Variants in ACOXL observed in about 807,000 individuals in gnomAD.
The protein encoded by ACOXL is acyl-coenzyme A oxidase-like protein.
A neutral mutation model predicts 71.9 loss-of-function variants in ACOXL; 70 were observed. The observed-to-expected ratio is 0.97, with a 90% CI of 0.80 to 1.19. The LOEUF is 1.19. Among genes scored for constraint, ACOXL ranks in the 50% most tolerant of loss-of-function variants. The pLI is 0.00. For synonymous variants in ACOXL, 253 were observed against 281.6 expected (o/e 0.90, Z 1.02); for missense variants, 703 against 736.3 (o/e 0.95, Z 0.52).
chr2:111,095,511 T>TTCC, intron 17 of ACOXL, among the ~76,000 whole-genome samples: 1 of 150,976 alleles, frequency 6.6e-6, no homozygotes, highest in South Asian at 2.1e-4. Flanking sequence ...TTGCCTCAGC[T>TTCC]TCCTGAGTAG....
At chr2:110,752,558 T>C (rs1003586173) in intron 1 of ACOXL, among the ~76,000 whole-genome samples, 2 of 151,330 alleles carry the variant, frequency 1.3e-5, no homozygotes, top group African/African-American at 4.9e-5. Flanking sequence ...GGATCTTGTA[T>C]GCTGGTCCTG....
intron 12 of ACOXL, among the ~76,000 whole-genome samples, chr2:110,965,960 G>A (rs1464947701): frequency 6.6e-6 from 1 of 152,162 alleles, no homozygotes; most frequent in Non-Finnish European, 1.5e-5. Flanking sequence ...CCAGGAAGAT[G>A]GTGGCCTGAT....
chr2:110,970,120 C>T (rs905998150), intron 12 of ACOXL, among the ~76,000 whole-genome samples: 2 of 151,986 alleles, frequency 1.3e-5, no homozygotes, highest in African/African-American at 2.4e-5. Context: ...AGGAGAGGTA[C>T]TCCTTGATTA....
intron 11 of ACOXL, among the ~76,000 whole-genome samples, chr2:110,909,601 G>A (rs1322533824): frequency 6.6e-6 from 1 of 151,938 alleles, no homozygotes; most frequent in African/African-American, 2.4e-5. Flanking sequence ...AAGCAATTTT[G>A]CTTCTCAGTG....
At chr2:110,874,848 C>G (rs1006271451) in intron 10 of ACOXL, among the ~76,000 whole-genome samples, 1 of 152,148 alleles carries the variant, frequency 6.6e-6, no homozygotes, top group Non-Finnish European at 1.5e-5. Flanking sequence ...CAGCATCCCT[C>G]GGGGTGGGAG....
chr2:110,986,525 C>T (rs2062939870), intron 12 of ACOXL, among the ~76,000 whole-genome samples: 2 of 152,190 alleles, frequency 1.3e-5, no homozygotes, highest in Admixed American at 1.3e-4. Flanking sequence ...AAGGTGGCCT[C>T]GTTCACATGT....
At chr2:110,806,751 C>T (rs1052628748) in intron 9 of ACOXL, among the ~76,000 whole-genome samples, 3 of 152,158 alleles carry the variant, frequency 2.0e-5, no homozygotes, top group South Asian at 2.1e-4. Flanking sequence ...AGGTGGTCAG[C>T]GGCCAGGCAG....
chr2:110,914,244 G>A (rs983757149), intron 11 of ACOXL, among the ~76,000 whole-genome samples: 2 of 152,082 alleles, frequency 1.3e-5, no homozygotes, highest in Non-Finnish European at 2.9e-5. Flanking sequence ...TTTTCCCCTC[G>A]AAATTGTCTT....
intron 9 of ACOXL, among the ~76,000 whole-genome samples, chr2:110,823,599 C>T (rs1326069987): frequency 1.3e-5 from 2 of 152,164 alleles, no homozygotes; most frequent in African/African-American, 4.8e-5. Flanking sequence ...TGAGAGAGTG[C>T]TTGCCATTCT....
Position 111,010,262 on chromosome 2 carries a change from C to T in ACOXL, c.1281+14258C>T, listed in dbSNP as rs117207874. Among the ~76,000 whole-genome samples the T allele has an allele frequency of 1.4e-4, 21 of 151,440 alleles. No individual in the cohort carries two copies. In the East Asian group the frequency reaches 1.9e-3, roughly 14 times the overall value. ...GAGGAAATTTCAGGAGATTGTTGAA[C>T]GATATGAAAAAGGAAACCAAATGGA... is the stretch of plus-strand genomic sequence containing the variant. On this transcript the variant is annotated intron_variant, in intron 14 of 17. Coordinates refer to ENST00000439055, the MANE Select transcript of ACOXL (RefSeq NM_001142807.4).
intron 14 of ACOXL, chr2:111,016,515 C>T (rs974307549): frequency 1.9e-4 from 29 of 152,214 alleles, no homozygotes; most frequent in African/African-American, 7.0e-4. Flanking sequence ...ATTACAGGTA[C>T]TGTCTTTTCA....
At position 111,053,229 on chromosome 2, in the gene ACOXL, C is replaced by G. The variant is rs185213977; in HGVS notation, c.1440+3941C>G. On this transcript the variant is annotated intron_variant, in intron 16 of 17. Transcript: ENST00000439055. Reference sequence around the variant, plus strand: ...AGAATGAACCAACCTGGCCTTCTACCACTCGTCTCTCTCCTCCAGGCGCTG... The same window carrying G: ...AGAATGAACCAACCTGGCCTTCTACGACTCGTCTCTCTCCTCCAGGCGCTG... Among the ~76,000 whole-genome samples, 11 of 152,294 alleles carry G rather than the reference C, an allele frequency of 7.2e-5. No individual in the cohort carries two copies. The East Asian group carries it at 1.9e-3, about 27-fold the overall frequency.
chr2:111,074,814 C>G (rs2067517982), intron 16 of ACOXL, among the ~76,000 whole-genome samples: 1 of 152,136 alleles, frequency 6.6e-6, no homozygotes, highest in Non-Finnish European at 1.5e-5. Flanking sequence ...CAGCTTGTCT[C>G]AAACTCCTGG....
intron 8 of ACOXL, among the ~76,000 whole-genome samples, chr2:110,803,247 A>C (rs1206780004): frequency 6.6e-6 from 1 of 152,258 alleles, no homozygotes; most frequent in Non-Finnish European, 1.5e-5. Flanking sequence ...AGAACAAAGT[A>C]GGAGGACTCA....
chr2:110,832,366 G>A (rs534446771), intron 9 of ACOXL, among the ~76,000 whole-genome samples: 2 of 151,802 alleles, frequency 1.3e-5, no homozygotes, highest in African/African-American at 2.4e-5. Flanking sequence ...GTGAAACCCC[G>A]TCTCTACTAA....
chr2:110,959,297 C>G (rs1256036290), intron 12 of ACOXL, among the ~76,000 whole-genome samples: 1 of 152,160 alleles, frequency 6.6e-6, no homozygotes, highest in Non-Finnish European at 1.5e-5. Flanking sequence ...GGCCCAGCTC[C>G]CCTGGGGCCT....
chr2:110,853,913 GTTTTTTT>G (rs35717647), intron 10 of ACOXL, among the ~76,000 whole-genome samples: 1 of 142,256 alleles, frequency 7.0e-6, no homozygotes, highest in Non-Finnish European at 1.5e-5. Context: ...TAGGACACTT[GTTTTTTT>G]TTTTTTTTTA....
chr2:110,929,895 G>T (rs747503662), intron 11 of ACOXL, among the ~76,000 whole-genome samples: 1 of 152,242 alleles, frequency 6.6e-6, no homozygotes, highest in Non-Finnish European at 1.5e-5. Context: ...GGAAACCTCT[G>T]CCCAGATTTC....
chr2:110,982,217 G>T lies in ACOXL; in HGVS notation c.1060-4891G>T, dbSNP rs535957144. ...TGCGCCCAGGCTGGAGTGCAGTGGC[G>T]CAATCTCAGCTCACTGCAACCTCCA... On this transcript the variant is annotated intron_variant, in intron 12 of 17. Coordinates refer to ENST00000439055, the MANE Select transcript of ACOXL (RefSeq NM_001142807.4). Among the ~76,000 whole-genome samples the T allele has an allele frequency of 5.3e-5, 8 of 152,094 alleles. No individual in the cohort carries two copies. In the South Asian group the frequency reaches 8.3e-4, roughly 16 times the overall value.
Sources: allele counts gnomAD v4.1 joint callset (sites outside exome capture counted in the v4.1 genomes callset), GRCh38; gene constraint gnomAD v4.1.1; transcripts MANE v1.5; gene names NCBI Gene and HGNC (gene_info 2026-07-23, HGNC 2026-07-21).